SLC6A13: variants seen among roughly 807,000 people sequenced by gnomAD.
SLC6A13 encodes the protein sodium- and chloride-dependent GABA transporter 2.
A neutral mutation model predicts 72.9 loss-of-function variants in SLC6A13; 69 were observed. That is an observed-to-expected ratio of 0.95 (90% confidence interval 0.78 to 1.16). SLC6A13 has a LOEUF of 1.16. Ranked by LOEUF, SLC6A13 falls within the 50% of genes most tolerant of loss-of-function variation. The pLI, the probability that SLC6A13 is intolerant of heterozygous loss-of-function variation, is 0.00. For synonymous variants in SLC6A13, 303 were observed against 303.0 expected (o/e 1.00, Z 0.00); for missense variants, 735 against 760.5 (o/e 0.97, Z 0.39).
intron 2 of SLC6A13, among the ~76,000 whole-genome samples, chr12:249,181 C>G (rs1397853442): frequency 6.6e-6 from 1 of 151,992 alleles, no homozygotes; most frequent in East Asian, 1.9e-4. Flanking sequence ...AATCAATTAC[C>G]TCGGCTTCCA....
At chr12:224,785 C>G (rs955740802) in intron 9 of SLC6A13, among the ~76,000 whole-genome samples, 1 of 152,076 alleles carries the variant, frequency 6.6e-6, no homozygotes, top group African/African-American at 2.4e-5. Flanking sequence ...TAAAACGACT[C>G]CAGATCTCCA....
Position 223,989 on chromosome 12 carries a change from C to T in SLC6A13, c.1311+3G>A, listed in dbSNP as rs1412856831. On this transcript the variant is annotated splice_donor_region_variant and intron_variant, in intron 11 of 14. Coordinates refer to ENST00000343164, the MANE Select transcript of SLC6A13 (RefSeq NM_016615.5). Reference sequence around the variant, plus strand: ...AGCCTTCCCCCGCTTCCCAGGCCCTCACCTCTGTGAGCATGATCAGCCCCA... The same window carrying T: ...AGCCTTCCCCCGCTTCCCAGGCCCTTACCTCTGTGAGCATGATCAGCCCCA... 2 of 1,613,954 alleles carry T rather than the reference C, an allele frequency of 1.2e-6. No homozygotes were observed. The highest frequency in any genetic ancestry group is 1.7e-6 in the Non-Finnish European group (2 of 1,179,968).
chr12:250,833 C>CAAAAAAAAAAAA (rs71045051), intron 2 of SLC6A13, among the ~76,000 whole-genome samples: 1 of 82,606 alleles, frequency 1.2e-5, no homozygotes, highest in Non-Finnish European at 2.3e-5. Flanking sequence ...AATAGCCCCC[C>CAAAAAAAAAAAA]AAAAAAAAAA....
intron 1 of SLC6A13, among the ~76,000 whole-genome samples, chr12:261,066 G>A (rs535737359): frequency 2.2e-3 from 341 of 152,108 alleles, no homozygotes; most frequent in African/African-American, 7.6e-3. Context: ...TTCTTTTTTG[G>A]TGATGACAAA....
chr12:237,081 T>C (rs1941959681), intron 6 of SLC6A13, 77 bp downstream of exon 6: 1 of 1,536,946 alleles, frequency 6.5e-7, no homozygotes. Flanking sequence ...GGCCACAGCT[T>C]AGAGAACTCC....
chr12:237,167 G>C lies in SLC6A13; in HGVS notation c.687C>G (p.Ser229=). ...CYFCIWKGVK[S]TGKVVYFTAT... is the part of the protein sequence containing the mutation. ...AGCTCCCCACACGAACCTTGCCTGT[G>C]GACTTCACCCCCTTCCAGATGCAGA... The change falls in exon 6 of 15, where the codon TCC becomes TCG. Residue 229 remains serine, a synonymous_variant. Coordinates refer to ENST00000343164, the MANE Select transcript of SLC6A13 (RefSeq NM_016615.5). 1.9e-6 allele frequency: 3 copies of C among 1,614,008 alleles called. No individual in the cohort carries two copies. The highest frequency in any genetic ancestry group is 2.5e-6 in the Non-Finnish European group (3 of 1,179,952).
At chr12:249,538 C>T (rs1194558481) in intron 2 of SLC6A13, among the ~76,000 whole-genome samples, 3 of 152,012 alleles carry the variant, frequency 2.0e-5, no homozygotes, top group Non-Finnish European at 4.4e-5. Flanking sequence ...AAATAAAAAA[C>T]GTAACTACCA....
chr12:228,810 C>G (rs984605196), intron 7 of SLC6A13, among the ~76,000 whole-genome samples: 6 of 152,206 alleles, frequency 3.9e-5, no homozygotes, highest in Non-Finnish European at 7.3e-5. Flanking sequence ...GATTCCTCAG[C>G]CAGCATCCCC....
intron 2 of SLC6A13, among the ~76,000 whole-genome samples, chr12:255,266 G>A (rs1236944280): frequency 6.6e-6 from 1 of 152,178 alleles, no homozygotes; most frequent in Non-Finnish European, 1.5e-5. Flanking sequence ...CTGGGTGTTT[G>A]GGTAGAGTCA....
Position 224,089 on chromosome 12 carries a change from A to G in SLC6A13, c.1214T>C (p.Met405Thr). The change falls in exon 11 of 15, where the codon ATG becomes ACG. Residue 405 changes from methionine (M) to threonine (T), a missense_variant. By Grantham distance (81) the Met-to-Thr change is moderately conservative. Coordinates refer to ENST00000343164, the MANE Select transcript of SLC6A13 (RefSeq NM_016615.5). The part of the protein sequence containing the change: ...VESLVTALVD[M>T]YPHVFRKKNR... ...CTTCTTGCGGAACACGTGAGGGTAC[A>G]TGTCCACCAGCGCTGTCACCAGGCT... 2 of 1,614,174 alleles carry G rather than the reference A, an allele frequency of 1.2e-6. No homozygotes were observed. Among genetic ancestry groups the G allele is most frequent in the East Asian group, 2.2e-5 (1 of 44,874 alleles).
intron 2 of SLC6A13, among the ~76,000 whole-genome samples, chr12:258,741 G>T (rs1942828416): frequency 6.6e-6 from 1 of 152,190 alleles, no homozygotes; most frequent in South Asian, 2.1e-4. Flanking sequence ...CACTGCTGTG[G>T]GGATAGCAGA....
rs537041083 is a variant in SLC6A13 at position 221,064 on chromosome 12, G to A, written c.1693C>T (p.Arg565Cys). The A allele has an allele frequency of 1.0e-5, 16 of 1,603,942 alleles. No homozygotes were observed. The East Asian group carries it at 1.6e-4, about 16-fold the overall frequency. ...TCCTCGGCTGGGCACATGAGCTGAC[G>A]GATTCTCTGCGGGGATAGCAGAGGT... ...TLKGPFRERI[R>C]QLMCPAEDLP... Residue 565 changes from arginine to cysteine, a missense_variant, in exon 15 of 15, where the codon CGT becomes TGT. By Grantham distance (180) the Arg-to-Cys change is radical. Coordinates refer to ENST00000343164, the MANE Select transcript of SLC6A13 (RefSeq NM_016615.5).
In SLC6A13 at chr12:259,874, T is replaced by C; in HGVS notation, c.179A>G (p.Tyr60Cys). The C allele has an allele frequency of 1.9e-6, 3 of 1,614,156 alleles. No homozygotes were observed. Among genetic ancestry groups the C allele is most frequent in the Non-Finnish European group, 2.5e-6 (3 of 1,179,998 alleles). The change falls in exon 2 of 15, where the codon TAT becomes TGT. Residue 60 changes from tyrosine (Y) to cysteine (C), a missense_variant. Tyr to Cys is a radical substitution (Grantham distance 194). Transcript: ENST00000343164. ...ACCTCCCCCATTTTTGTAGCAGAGA[T>C]AGGGAAACCTCCAGACGTTGCCTAA... ...IGLGNVWRFPYLCYKNGGGAF... is the reference protein window; with the variant it reads ...IGLGNVWRFPCLCYKNGGGAF...
chr12:252,981 G>A (rs548101261), intron 2 of SLC6A13, among the ~76,000 whole-genome samples: 6 of 152,356 alleles, frequency 3.9e-5, no homozygotes, highest in East Asian at 3.9e-4. Flanking sequence ...GGCCAGGTAC[G>A]GACTGAGGAG....
chr12:221,461 C>G lies in SLC6A13; in HGVS notation c.1601G>C (p.Gly534Ala), dbSNP rs746367230. ...YTYPWWGDAL[G>A]WLLALSSMVC... ...CATGGAGGACAGAGCCAGGAGCCAG[C>G]CCAGGGCATCGCCCCACCACGGGTA... Residue 534 changes from glycine (G) to alanine (A), a missense_variant, in exon 14 of 15, where the codon GGC becomes GCC. Gly to Ala is a moderately conservative substitution (Grantham distance 60, BLOSUM62 0). Transcript: ENST00000343164. 3.1e-6 allele frequency: 5 copies of G among 1,613,826 alleles called. No homozygotes were observed. The African/African-American group carries it at 6.7e-5, about 22-fold the overall frequency.
At position 220,731 on chromosome 12, in the gene SLC6A13, A is replaced by C; in HGVS notation, c.*217T>G. 1 of 530,714 alleles carries C rather than the reference A, an allele frequency of 1.9e-6. No homozygotes were observed. Among genetic ancestry groups the C allele is most frequent in the East Asian group, 3.7e-5 (1 of 27,122 alleles). 32.9% of individuals were successfully genotyped at this position (530,714 alleles called of 1,614,324 possible). ...CCAGCTTCCCAAGGGTCTCAGAGGG[A>C]CACTCTTGGCACTGGCCTTTCACAT... On this transcript the variant is annotated 3_prime_UTR_variant, in exon 15 of 15. Coordinates refer to ENST00000343164, the MANE Select transcript of SLC6A13 (RefSeq NM_016615.5).
Position 220,964 on chromosome 12 carries a change from A to T in SLC6A13, c.1793T>A (p.Leu598Gln). 1.9e-6 allele frequency: 3 copies of T among 1,612,948 alleles called. No homozygotes were observed. Among genetic ancestry groups the T allele is most frequent in the Non-Finnish European group, 2.5e-6 (3 of 1,179,934 alleles). Reference sequence around the variant, plus strand: ...GCCTGCCCCCTAGCAGTGAGACTCTAGCTCTGTGAGTCTGAGCAGTGAGGT... The same window carrying T: ...GCCTGCCCCCTAGCAGTGAGACTCTTGCTCTGTGAGTCTGAGCAGTGAGGT... ...PRTSLLRLTE[L>Q]ESHC is the part of the protein sequence containing the mutation. Residue 598 changes from leucine (L) to glutamine (Q), a missense_variant, in exon 15 of 15, where the codon CTA (leucine) becomes CAA (glutamine). Leu to Gln is a moderately radical substitution (Grantham distance 113). Coordinates refer to ENST00000343164, the MANE Select transcript of SLC6A13 (RefSeq NM_016615.5).
rs1303926323 is a variant in SLC6A13, at chr12:262,793, G to A, written c.-10C>T. On this transcript the variant is annotated 5_prime_UTR_variant, in exon 1 of 15. Coordinates refer to ENST00000343164, the MANE Select transcript of SLC6A13 (RefSeq NM_016615.5). ...AGAGAAGAAAACATTTCGAACCTTA[G>A]TGAAGCTGCTGCCAGAGGTCCAGTC... The A allele has an allele frequency of 4.7e-6, 3 of 644,846 alleles. No individual in the cohort carries two copies. The Admixed American group carries it at 1.9e-4, about 41-fold the overall frequency. The allele number at this position is 644,846 out of a possible 1,614,324, so 39.9% of individuals were successfully genotyped here. A position where few individuals can be genotyped will look rare whatever the true frequency, so the allele number is the denominator to read the frequency against.
rs1252867381 is a variant in SLC6A13 at position 226,475 on chromosome 12, G to A, written c.975C>T (p.Ser325=). Residue 325 remains serine, a synonymous_variant, in exon 9 of 15, where the codon AGC becomes AGT. Coordinates refer to ENST00000343164, the MANE Select transcript of SLC6A13 (RefSeq NM_016615.5). ...IALCFLNSGT[S]FVAGFAIFSI... is the part of the protein sequence containing the mutation. ...AGAAGATGGCAAAGCCGGCCACAAA[G>A]CTGGTGCCGCTGTTGAGGAAGCAGA... 6.2e-7 allele frequency: 1 copy of A among 1,614,118 alleles called. No homozygotes were observed. The highest frequency in any genetic ancestry group is 1.7e-5 in the Admixed American group (1 of 60,022).
Sources: allele counts gnomAD v4.1 joint callset (sites outside exome capture counted in the v4.1 genomes callset), GRCh38; gene constraint gnomAD v4.1.1; transcripts MANE v1.5; gene names NCBI Gene and HGNC (gene_info 2026-07-23, HGNC 2026-07-21).